PPA2: variants seen among roughly 807,000 people sequenced by gnomAD.
The protein encoded by PPA2 is inorganic pyrophosphatase 2, mitochondrial.
PPA2 carries 48 observed loss-of-function variants against 49.5 expected under a neutral mutation model. The ratio of observed to expected loss-of-function variants is 0.97; its 90% confidence interval spans 0.77 to 1.23. PPA2 has a LOEUF of 1.23. Among genes scored for constraint, PPA2 ranks in the 50% most tolerant of loss-of-function variants. PPA2 has a pLI of 0.00. For synonymous variants in PPA2, 131 were observed against 139.9 expected (o/e 0.94, Z 0.45); for missense variants, 429 against 410.1 (o/e 1.05, Z -0.40).
intron 3 of PPA2, among the ~76,000 whole-genome samples, chr4:105,450,951 T>C (rs1722653902): frequency 6.6e-6 from 1 of 152,182 alleles, no homozygotes; most frequent in Non-Finnish European, 1.5e-5. Context: ...TTTTTAAGTA[T>C]CTGTTTACAA....
intron 2 of PPA2, chr4:105,456,060 G>A (rs2110316603): frequency 3.0e-6 from 1 of 332,158 alleles, no homozygotes; most frequent in East Asian, 7.2e-5. Context: ...TGATTTGATA[G>A]CATCAGTTCT....
chr4:105,461,766 C>T (rs969986140), intron 1 of PPA2, among the ~76,000 whole-genome samples: 2 of 152,176 alleles, frequency 1.3e-5, no homozygotes, highest in African/African-American at 4.8e-5. Context: ...TATGTATTTA[C>T]AGAGTGTTTC....
rs994131560 is a variant in PPA2 at position 105,437,934 on chromosome 4, A to G, written c.528+16T>C. 1.3e-6 allele frequency: 2 copies of G among 1,573,032 alleles called. No individual in the cohort carries two copies. Among genetic ancestry groups the G allele is most frequent in the Non-Finnish European group, 8.6e-7 (1 of 1,163,560 alleles). On this transcript the variant is annotated intron_variant, in intron 6 of 11. Coordinates refer to ENST00000341695, the MANE Select transcript of PPA2 (RefSeq NM_176869.3). ...CCAAAACTCACGTTAGAATTAATAC[A>G]GTCTATAAAACAAACCTTTGAGCCT... is the stretch of plus-strand genomic sequence containing the variant.
intron 7 of PPA2, chr4:105,405,791 G>C (rs953815416): frequency 3.8e-6 from 2 of 520,652 alleles, no homozygotes; most frequent in Admixed American, 4.8e-5. Flanking sequence ...GTAGACCCAA[G>C]AGGGAACAAA....
intron 10 of PPA2, among the ~76,000 whole-genome samples, chr4:105,371,876 A>C (rs1244779110): frequency 6.6e-6 from 1 of 152,136 alleles, no homozygotes; most frequent in Non-Finnish European, 1.5e-5. Flanking sequence ...TGGATGCAGC[A>C]GAGGAAGGAA....
chr4:105,408,292 G>A (rs17035568), intron 7 of PPA2, among the ~76,000 whole-genome samples: 27,683 of 152,096 alleles, frequency 0.18, 2,903 homozygotes, highest in African/African-American at 0.28. Context: ...AGGGTGAAAA[G>A]CTCAGTGTGT....
Position 105,451,522 on chromosome 4 carries a change from T to C in PPA2, c.267+2076A>G, listed in dbSNP as rs373186926. Reference sequence around the variant, plus strand: ...TCATTTTCTATGCTCTTTCATGAGGTACCCCTGCACCTGTTTAAATATGTC... The same window carrying C: ...TCATTTTCTATGCTCTTTCATGAGGCACCCCTGCACCTGTTTAAATATGTC... On this transcript the variant is annotated intron_variant, in intron 3 of 11. Coordinates refer to ENST00000341695, the MANE Select transcript of PPA2 (RefSeq NM_176869.3). 3.3e-5 allele frequency among the ~76,000 whole-genome samples: 5 copies of C among 152,330 alleles called. No homozygotes were observed. The East Asian group carries it at 7.7e-4, about 23-fold the overall frequency.
At chr4:105,403,546 T>C (rs2726511) in intron 7 of PPA2, among the ~76,000 whole-genome samples, 66,632 of 151,960 alleles carry the variant, frequency 0.44, 15,328 homozygotes, top group East Asian at 0.71. Flanking sequence ...TTGAAAATAT[T>C]GTAAATTTCT....
chr4:105,426,425 C>T (rs1269764446), intron 6 of PPA2, among the ~76,000 whole-genome samples: 2 of 152,334 alleles, frequency 1.3e-5, no homozygotes, highest in Middle Eastern at 3.4e-3. Flanking sequence ...TTTCCCTTTT[C>T]TAGCCAAGGG....
chr4:105,377,791 G>GA (rs1362703535), intron 10 of PPA2, among the ~76,000 whole-genome samples: 2 of 151,938 alleles, frequency 1.3e-5, no homozygotes, highest in Non-Finnish European at 2.9e-5. Context: ...TAAATGGTAT[G>GA]AAAAAATGTG....
At chr4:105,403,070 G>A (rs937199796) in intron 7 of PPA2, among the ~76,000 whole-genome samples, 2 of 151,150 alleles carry the variant, frequency 1.3e-5, no homozygotes, top group Non-Finnish European at 2.9e-5. Flanking sequence ...TGTCACATAG[G>A]CTGGAGTACA....
intron 1 of PPA2, among the ~76,000 whole-genome samples, chr4:105,470,454 C>T (rs1237413142): frequency 6.6e-6 from 1 of 152,148 alleles, no homozygotes; most frequent in Non-Finnish European, 1.5e-5. Context: ...CACTGTGCTC[C>T]AGCTTGGGCA....
intron 10 of PPA2, among the ~76,000 whole-genome samples, chr4:105,383,768 G>A (rs926705217): frequency 1.4e-4 from 22 of 152,024 alleles, no homozygotes; most frequent in Middle Eastern, 3.4e-3. Context: ...CTGTTAATTC[G>A]CTCATTCTAA....
At chr4:105,431,717 ATAT>A (rs1479461654) in intron 6 of PPA2, among the ~76,000 whole-genome samples, 1 of 152,218 alleles carries the variant, frequency 6.6e-6, no homozygotes, top group East Asian at 1.9e-4. Context: ...GTAAAAGGTA[ATAT>A]TATCCATCAG....
chr4:105,400,175 T>A (rs1158321541), intron 7 of PPA2, among the ~76,000 whole-genome samples: 1 of 152,136 alleles, frequency 6.6e-6, no homozygotes, highest in Admixed American at 6.5e-5. Context: ...AATATATTTA[T>A]TAGAGCATAT....
chr4:105,458,948 T>C (rs745731471), intron 1 of PPA2, among the ~76,000 whole-genome samples: 2 of 151,962 alleles, frequency 1.3e-5, no homozygotes, highest in South Asian at 2.1e-4. Flanking sequence ...AATTAAGTTC[T>C]GGAGTTTTTG....
chr4:105,457,187 A>G (rs947528823), intron 1 of PPA2, among the ~76,000 whole-genome samples: 1 of 152,242 alleles, frequency 6.6e-6, no homozygotes, highest in Admixed American at 6.5e-5. Flanking sequence ...CAAAGTTCCT[A>G]TTCAATTAAA....
At chr4:105,376,679 C>T (rs754325768) in intron 10 of PPA2, among the ~76,000 whole-genome samples, 13 of 152,158 alleles carry the variant, frequency 8.5e-5, no homozygotes, top group Non-Finnish European at 1.3e-4. Context: ...GGTCTGGTTC[C>T]CTAGAACTGA....
chr4:105,417,986 C>T (rs566044330), intron 7 of PPA2, among the ~76,000 whole-genome samples: 11 of 152,240 alleles, frequency 7.2e-5, no homozygotes, highest in African/African-American at 2.2e-4. Flanking sequence ...CCCATCCACG[C>T]GGTGCCTCAG....
Sources: allele counts gnomAD v4.1 joint callset (sites outside exome capture counted in the v4.1 genomes callset), GRCh38; gene constraint gnomAD v4.1.1; transcripts MANE v1.5; gene names NCBI Gene and HGNC (gene_info 2026-07-23, HGNC 2026-07-21).